The following XRRA1 variants were observed in gnomAD, a reference collection of about 807,000 sequenced individuals.
XRRA1 encodes the protein X-ray radiation resistance associated 1.
A neutral mutation model predicts 80.2 loss-of-function variants in XRRA1; 69 were observed. The ratio of observed to expected loss-of-function variants is 0.86; its 90% CI spans 0.71 to 1.05. The LOEUF (loss-of-function observed/expected upper bound fraction) is 1.05. Ranked by LOEUF, XRRA1 falls within the 50% of genes least tolerant of loss-of-function variation. The probability of loss-of-function intolerance (pLI) is 0.00; values close to 1 mark genes in which losing one functional copy is unlikely to be tolerated. For missense variants in XRRA1, 967 were observed against 976.4 expected, an observed-to-expected ratio of 0.99 and a Z score of 0.13; for synonymous variants, 348 against 389.9, an observed-to-expected ratio of 0.89 and a Z score of 1.27.
chr11:74,948,109 T>C (rs962202698), intron 1 of XRRA1, among the ~76,000 whole-genome samples: 4 of 152,256 alleles, frequency 2.6e-5, no homozygotes, highest in Non-Finnish European at 4.4e-5. Flanking sequence ...TAGTGCCTGT[T>C]ACATAGTAAG....
chr11:74,866,333 A>G (rs1483092916), intron 10 of XRRA1, among the ~76,000 whole-genome samples: 2 of 152,066 alleles, frequency 1.3e-5, no homozygotes, highest in African/African-American at 4.8e-5. Context: ...TGCTTACTGC[A>G]GCCTCAACCT....
chr11:74,914,885 G>C (rs1938061457), intron 8 of XRRA1, among the ~76,000 whole-genome samples: 2 of 152,068 alleles, frequency 1.3e-5, no homozygotes, highest in African/African-American at 4.8e-5. Context: ...GCTCCAGCAA[G>C]ACTGGAAAAG....
intron 1 of XRRA1, among the ~76,000 whole-genome samples, chr11:74,948,398 C>T (rs1948080970): frequency 6.7e-6 from 1 of 150,342 alleles, no homozygotes; most frequent in South Asian, 2.1e-4. Flanking sequence ...ATAACTCTGT[C>T]ATGGAGTAGT....
intron 10 of XRRA1, among the ~76,000 whole-genome samples, chr11:74,877,340 G>A (rs2046272216): frequency 6.6e-6 from 1 of 152,108 alleles, no homozygotes; most frequent in African/African-American, 2.4e-5. Context: ...TTCTGGTAAA[G>A]TACAGCGACA....
intron 10 of XRRA1, among the ~76,000 whole-genome samples, chr11:74,901,222 G>T (rs765060180): frequency 1.3e-4 from 19 of 151,636 alleles, no homozygotes; most frequent in Non-Finnish European, 2.1e-4. Context: ...AAAATACCTA[G>T]GAATTAACCA....
chr11:74,943,531 GTGT>G (rs1330952312), intron 2 of XRRA1, among the ~76,000 whole-genome samples: 3 of 53,920 alleles, frequency 5.6e-5, no homozygotes, highest in Non-Finnish European at 1.7e-4. Flanking sequence ...GAGGGTGTGT[GTGT>G]GTGTGTGTGT....
intron 10 of XRRA1, among the ~76,000 whole-genome samples, chr11:74,884,944 G>A (rs2048663171): frequency 6.6e-6 from 1 of 152,048 alleles, no homozygotes; most frequent in Admixed American, 6.6e-5. Flanking sequence ...CTGAACTGAA[G>A]AAAATTTAGA....
intron 10 of XRRA1, among the ~76,000 whole-genome samples, chr11:74,899,102 A>T (rs185012874): frequency 1.0e-3 from 157 of 152,330 alleles, no homozygotes; most frequent in Non-Finnish European, 1.4e-3. Flanking sequence ...ATCAATGATA[A>T]GAGGAATTTT....
Position 74,940,851 on chromosome 11 carries a change from C to T in XRRA1, c.28G>A (p.Asp10Asn), listed in dbSNP as rs558916942. Residue 10 changes from aspartate (D) to asparagine (N), a missense_variant, in exon 3 of 19, where the codon GAT (aspartate) becomes AAT (asparagine). By Grantham distance (23) the Asp-to-Asn change is conservative. Transcript: ENST00000684022. ...TTGTTCAGGTAAGGCTTCCCATCAT[C>T]CAGCTTGTAGATTCCTGAGAAGGCC... MAFSGIYKL[D>N]DGKPYLNNCF... is the part of the protein sequence containing the mutation. The T allele has an allele frequency of 1.2e-6, 2 of 1,609,248 alleles. No homozygotes were observed. The highest frequency in any genetic ancestry group is 1.7e-5 in the Admixed American group (1 of 59,402).
intron 7 of XRRA1, among the ~76,000 whole-genome samples, chr11:74,922,048 G>A (rs1392326671): frequency 1.3e-5 from 2 of 152,020 alleles, no homozygotes; most frequent in Non-Finnish European, 2.9e-5. Flanking sequence ...ATGAGGTCAG[G>A]AGATTAAGAC....
At position 74,859,234 on chromosome 11, in the gene XRRA1, T is replaced by A. The variant is rs1275319153; in HGVS notation, c.1094A>T (p.Lys365Met). ...LPPIFEILPV[K>M]SLKARNQTLA... ...CGTCTGGTTCCTGGCCTTCAGTGAC[T>A]TCACAGGAAGGATCTCGAATATGGG... Residue 365 changes from lysine to methionine, a missense_variant, in exon 12 of 19, where the codon AAG (lysine) becomes ATG (methionine). Coordinates refer to ENST00000684022, the MANE Select transcript of XRRA1 (RefSeq NM_001378157.1). The A allele has an allele frequency of 1.9e-6, 3 of 1,610,638 alleles. No individual in the cohort carries two copies. The highest frequency in any genetic ancestry group is 1.7e-5 in the Admixed American group (1 of 59,438).
intron 10 of XRRA1, among the ~76,000 whole-genome samples, chr11:74,883,865 C>T (rs2048357443): frequency 6.6e-6 from 1 of 152,194 alleles, no homozygotes; most frequent in Non-Finnish European, 1.5e-5. Context: ...AAAGAGTCCT[C>T]AGCAGAGCTT....
At chr11:74,924,571 C>T (rs1023006230) in intron 7 of XRRA1, among the ~76,000 whole-genome samples, 3 of 152,016 alleles carry the variant, frequency 2.0e-5, no homozygotes, top group Non-Finnish European at 1.5e-5. Context: ...TGGTGGCTCA[C>T]GCCTGTAATC....
At chr11:74,867,919 T>TTTA (rs1355730058) in intron 10 of XRRA1, among the ~76,000 whole-genome samples, 3 of 141,138 alleles carry the variant, frequency 2.1e-5, no homozygotes, top group Non-Finnish European at 3.1e-5. Flanking sequence ...TAGTCAATCT[T>TTTA]TTTTTTTTTT....
chr11:74,940,923 A>C, intron 2 of XRRA1, 41 bp from the exon 3 acceptor site: 1 of 1,484,592 alleles, frequency 6.7e-7, no homozygotes, highest in Non-Finnish European at 9.3e-7. Flanking sequence ...AGAAGAGTGA[A>C]AAGGCACAGC....
intron 3 of XRRA1, among the ~76,000 whole-genome samples, chr11:74,937,369 T>C (rs1006924013): frequency 2.0e-5 from 3 of 152,176 alleles, no homozygotes; most frequent in Non-Finnish European, 4.4e-5. Flanking sequence ...AATTCTATTA[T>C]TCCTTCAAAA....
chr11:74,863,973 C>T (rs2042856879), intron 10 of XRRA1: 1 of 152,038 alleles, frequency 6.6e-6, no homozygotes, highest in Admixed American at 6.6e-5. Context: ...ATCCTGCTCT[C>T]CCCACAATCA....
intron 8 of XRRA1, chr11:74,909,757 G>A (rs930685076): frequency 6.6e-6 from 1 of 152,054 alleles, no homozygotes; most frequent in Non-Finnish European, 1.5e-5. Flanking sequence ...TGTTCAGAGT[G>A]GTGCTATTTT....
chr11:74,875,067 C>T (rs2045747288), intron 10 of XRRA1, among the ~76,000 whole-genome samples: 1 of 152,210 alleles, frequency 6.6e-6, no homozygotes, highest in African/African-American at 2.4e-5. Context: ...TCTTTATGCT[C>T]ATGCTGCCAT....
Sources: allele counts gnomAD v4.1 joint callset (sites outside exome capture counted in the v4.1 genomes callset), GRCh38; gene constraint gnomAD v4.1.1; transcripts MANE v1.5; gene names NCBI Gene and HGNC (gene_info 2026-07-23, HGNC 2026-07-21).